MROH9: variants seen among roughly 807,000 people sequenced by gnomAD.
The protein encoded by MROH9 is maestro heat like repeat family member 9, also known as maestro heat-like repeat-containing protein family member 9.
In MROH9, 92 loss-of-function variants were observed where a neutral mutation model predicts 98.2. That is an observed-to-expected ratio of 0.94 (90% CI 0.79 to 1.11). The LOEUF is 1.11. Among genes scored for constraint, MROH9 ranks in the 50% most tolerant of loss-of-function variants. The pLI, the probability that MROH9 is intolerant of heterozygous loss-of-function variation, is 0.00. For synonymous variants in MROH9, 397 were observed against 368.9 expected (o/e 1.08, Z -0.87); for missense variants, 1,057 against 1,014.8 (o/e 1.04, Z -0.57).
intron 15 of MROH9, among the ~76,000 whole-genome samples, chr1:171,004,794 G>C (rs943529127): frequency 7.9e-5 from 12 of 151,986 alleles, no homozygotes; most frequent in African/African-American, 2.9e-4. Context: ...TCACCAGGTG[G>C]GTTTATTTCT....
intron 20 of MROH9, among the ~76,000 whole-genome samples, chr1:171,030,302 G>A (rs1652865040): frequency 6.6e-6 from 1 of 151,590 alleles, no homozygotes; most frequent in Admixed American, 6.6e-5. Context: ...TTCTTTTCTG[G>A]TCTTAGTTAC....
intron 5 of MROH9, among the ~76,000 whole-genome samples, chr1:170,960,340 G>A (rs554964357): frequency 6.6e-6 from 1 of 152,156 alleles, no homozygotes; most frequent in East Asian, 1.9e-4. Flanking sequence ...CTTTTTACTG[G>A]TGAAGACCAC....
At chr1:171,041,347 A>ATG (rs377650131) in intron 20 of MROH9, among the ~76,000 whole-genome samples, 7,493 of 80,472 alleles carry the variant, frequency 0.093, 455 homozygotes, top group Admixed American at 0.15. Flanking sequence ...GTATTCCATG[A>ATG]TGTGTGTGTG....
rs956458413 is a variant in MROH9 at position 170,965,391 on chromosome 1, G to T, written c.480+136G>T. The stretch of plus-strand genomic sequence containing the variant: ...TACTGGTAGGTTGGTTGGGATATCA[G>T]AAAAGGAGTCAATATCCCACATGAC... On this transcript the variant is annotated intron_variant, in intron 7 of 21. Transcript: ENST00000367759. 1.6e-5 allele frequency: 9 copies of T among 570,124 alleles called. No homozygotes were observed. The African/African-American group carries it at 1.7e-4, about 11-fold the overall frequency. The allele number at this position is 570,124 out of a possible 1,614,324, so 35.3% of individuals were successfully genotyped here. A position where few individuals can be genotyped will look rare whatever the true frequency, so the allele number is the denominator to read the frequency against.
intron 8 of MROH9, among the ~76,000 whole-genome samples, chr1:170,981,514 A>C (rs1326605787): frequency 6.6e-6 from 1 of 152,180 alleles, no homozygotes; most frequent in Non-Finnish European, 1.5e-5. Context: ...ACAGGAACAG[A>C]AAACCAAACC....
At chr1:171,012,520 T>G (rs1652186474) in intron 15 of MROH9, among the ~76,000 whole-genome samples, 1 of 142,028 alleles carries the variant, frequency 7.0e-6, no homozygotes, top group Admixed American at 7.1e-5. Context: ...TTTTTTTTTT[T>G]GAGATGGAGT....
intron 11 of MROH9, among the ~76,000 whole-genome samples, chr1:170,991,519 G>A (rs181102894): frequency 3.2e-4 from 49 of 152,140 alleles, no homozygotes; most frequent in African/African-American, 1.0e-3. Flanking sequence ...GAAATACATC[G>A]GTGTAGAGAT....
chr1:170,965,198 A>G lies in MROH9; in HGVS notation c.423A>G (p.Arg141=). The part of the protein sequence containing the change: ...MSKDSSYLQE[R]IMVIINKVLR... ...AAGATAGCTCATATCTGCAAGAGAG[A>G]ATAATGGTGATCATCAACAAGGTGT... The change falls in exon 7 of 22, where the codon AGA becomes AGG. Residue 141 remains arginine (R), a synonymous_variant. Transcript: ENST00000367759. 1 of 1,612,130 alleles carries G rather than the reference A, an allele frequency of 6.2e-7. No individual in the cohort carries two copies.
intron 15 of MROH9, among the ~76,000 whole-genome samples, chr1:170,999,324 T>A (rs1202331507): frequency 6.6e-6 from 1 of 152,114 alleles, no homozygotes; most frequent in Non-Finnish European, 1.5e-5. Context: ...TCTCCCACTC[T>A]TTCCCCCAAG....
chr1:170,974,356 C>G (rs1368444641), intron 8 of MROH9, among the ~76,000 whole-genome samples: 2 of 151,842 alleles, frequency 1.3e-5, no homozygotes, highest in African/African-American at 4.8e-5. Context: ...AACATCAAGG[C>G]ACATCATAAT....
chr1:171,049,832 C>T (rs541667957), intron 20 of MROH9, among the ~76,000 whole-genome samples: 3 of 152,182 alleles, frequency 2.0e-5, no homozygotes, highest in Admixed American at 2.0e-4. Context: ...AGGCCTGTAC[C>T]ACCATGCTAG....
intron 20 of MROH9, among the ~76,000 whole-genome samples, chr1:171,043,753 G>C (rs542371307): frequency 6.6e-6 from 1 of 151,552 alleles, no homozygotes; most frequent in South Asian, 2.1e-4. Context: ...ATTAGAAATG[G>C]GATTCAAATT....
chr1:170,959,575 A>T lies in MROH9; in HGVS notation c.266A>T (p.Tyr89Phe). 1 of 1,613,544 alleles carries T rather than the reference A, an allele frequency of 6.2e-7. No individual in the cohort carries two copies. Among genetic ancestry groups the T allele is most frequent in the South Asian group, 1.1e-5 (1 of 90,872 alleles). ...AAAGTAAAAGAAATGGGGAGCAGTTATGAGTACATTGAGGACATGGAGGTA... is the reference window on the plus strand; with the variant it reads ...AAAGTAAAAGAAATGGGGAGCAGTTTTGAGTACATTGAGGACATGGAGGTA... ...LDKVKEMGSSYEYIEDMENLY... is the reference protein window; with the variant it reads ...LDKVKEMGSSFEYIEDMENLY... The change falls in exon 5 of 22, where the codon TAT (tyrosine) becomes TTT (phenylalanine). Residue 89 changes from tyrosine to phenylalanine, a missense_variant. Physicochemically the swap from Tyr to Phe is conservative, Grantham distance 22 (BLOSUM62 3). Coordinates refer to ENST00000367759, the MANE Select transcript of MROH9 (RefSeq NM_001163629.2).
chr1:170,946,064 T>C (rs1450470300), intron 2 of MROH9, among the ~76,000 whole-genome samples: 1 of 151,790 alleles, frequency 6.6e-6, no homozygotes, highest in Non-Finnish European at 1.5e-5. Flanking sequence ...AAATCAAGTA[T>C]TGAAAGCAAG....
At chr1:171,003,149 T>G (rs1033004866) in intron 15 of MROH9, among the ~76,000 whole-genome samples, 3 of 152,158 alleles carry the variant, frequency 2.0e-5, no homozygotes, top group African/African-American at 7.2e-5. Flanking sequence ...TCACTTCTTG[T>G]ATCATTTTTT....
chr1:170,995,447 A>G lies in MROH9; in HGVS notation c.1253A>G (p.Gln418Arg), dbSNP rs761645359. The change falls in exon 13 of 22, where the codon CAG becomes CGG. Residue 418 changes from glutamine to arginine, a missense_variant. By Grantham distance (43) the Gln-to-Arg change is conservative. Coordinates refer to ENST00000367759, the MANE Select transcript of MROH9 (RefSeq NM_001163629.2). Reference protein sequence around the residue: ...PLGSYRKAVAQYFPQLLTTLM... With the variant: ...PLGSYRKAVARYFPQLLTTLM... Reference sequence around the variant, plus strand: ...GGTTCCTACAGGAAAGCGGTGGCCCAGTATTTCCCCCAGCTCTTGACGACT... The same window carrying G: ...GGTTCCTACAGGAAAGCGGTGGCCCGGTATTTCCCCCAGCTCTTGACGACT... The G allele has an allele frequency of 6.2e-7, 1 of 1,613,348 alleles. No individual in the cohort carries two copies. Among genetic ancestry groups the G allele is most frequent in the Non-Finnish European group, 8.5e-7 (1 of 1,179,604 alleles).
chr1:170,938,160 C>A (rs1227180430), intron 1 of MROH9, among the ~76,000 whole-genome samples: 2 of 152,178 alleles, frequency 1.3e-5, no homozygotes, highest in East Asian at 3.9e-4. Context: ...GACTCAGAAG[C>A]ACAAGGAGAC....
Position 170,947,666 on chromosome 1 carries a change from T to C in MROH9, c.72+93T>C, listed in dbSNP as rs372053100. The C allele has an allele frequency of 1.1e-4, 126 of 1,170,704 alleles. No individual in the cohort carries two copies. The East Asian group carries it at 2.3e-3, about 22-fold the overall frequency. The allele number at this position is 1,170,704 out of a possible 1,614,324, so 72.5% of individuals were successfully genotyped here. On this transcript the variant is annotated intron_variant, in intron 3 of 21. Transcript: ENST00000367759. Reference sequence around the variant, plus strand: ...TCCATTACAAGGATGTTACAAGTAATGTTTAAAATACATGTGTTGGGGGAG... The same window carrying C: ...TCCATTACAAGGATGTTACAAGTAACGTTTAAAATACATGTGTTGGGGGAG...
chr1:171,050,424 TA>T (rs1653626987), intron 20 of MROH9, among the ~76,000 whole-genome samples: 1 of 152,330 alleles, frequency 6.6e-6, no homozygotes, highest in East Asian at 1.9e-4. Flanking sequence ...CTAAGTATTT[TA>T]TTTTTTTGTA....
Sources: gnomAD v4.1 joint callset for allele counts (sites outside exome capture counted in the v4.1 genomes callset) on GRCh38, gnomAD v4.1.1 for gene constraint, MANE v1.5 for transcripts, NCBI Gene and HGNC (gene_info 2026-07-23, HGNC 2026-07-21) for gene names.